STK39: variants seen among roughly 807,000 people sequenced by gnomAD.
The protein encoded by STK39 is STE20/SPS1-related proline-alanine-rich protein kinase.
In STK39, 20 loss-of-function variants were observed where a neutral mutation model predicts 77.8. That is an observed-to-expected ratio of 0.26 (90% CI 0.18 to 0.37). The LOEUF is 0.37. Among genes scored for constraint, STK39 ranks in the 10% least tolerant of loss-of-function variants. STK39 has a pLI of 1.00. For missense variants in STK39, 479 were observed against 656.5 expected (o/e 0.73, Z 2.95); for synonymous variants, 246 against 234.1 (o/e 1.05, Z -0.47).
intron 14 of STK39, among the ~76,000 whole-genome samples, chr2:168,041,351 A>C (rs1685101305): frequency 1.3e-5 from 2 of 151,866 alleles, no homozygotes; most frequent in Non-Finnish European, 1.5e-5. Flanking sequence ...TGGGAAAGGA[A>C]GCCATTGATC....
In STK39 at chr2:168,075,014, G is replaced by A; in HGVS notation, c.1213-3C>T. ...TTTTCTTCTTTTACTCTTCGTGACT[G>A]TAAAACAATTATGTATCCATTAATA... On this transcript the variant is annotated splice_polypyrimidine_tract_variant and splice_region_variant and intron_variant, in intron 11 of 17. Transcript: ENST00000355999. 1.2e-6 allele frequency: 2 copies of A among 1,613,866 alleles called. No individual in the cohort carries two copies. The highest frequency in any genetic ancestry group is 1.7e-6 in the Non-Finnish European group (2 of 1,180,006).
chr2:168,143,768 C>A (rs1040774790), intron 5 of STK39, among the ~76,000 whole-genome samples: 4 of 152,068 alleles, frequency 2.6e-5, no homozygotes, highest in African/African-American at 9.7e-5. Context: ...AAGTCAAAAT[C>A]CTTCAGCATA....
chr2:168,034,617 G>A (rs1177034831), intron 14 of STK39, among the ~76,000 whole-genome samples: 1 of 152,186 alleles, frequency 6.6e-6, no homozygotes, highest in East Asian at 1.9e-4. Flanking sequence ...GGAACTCACT[G>A]GACTAAGGGA....
intron 1 of STK39, among the ~76,000 whole-genome samples, chr2:168,190,858 G>A (rs1048388623): frequency 1.3e-5 from 2 of 152,076 alleles, no homozygotes; most frequent in Non-Finnish European, 2.9e-5. Context: ...TGCTTGGAAG[G>A]GATAATCCAC....
chr2:168,138,772 G>A (rs1687901991), intron 7 of STK39, among the ~76,000 whole-genome samples: 1 of 152,204 alleles, frequency 6.6e-6, no homozygotes, highest in Non-Finnish European at 1.5e-5. Context: ...GCAGGACACT[G>A]AAGGATAGCC....
chr2:167,974,773 A>C (rs10192828), intron 16 of STK39, among the ~76,000 whole-genome samples: 1 of 152,106 alleles, frequency 6.6e-6, no homozygotes, highest in Non-Finnish European at 1.5e-5. Context: ...GAGGTTCACA[A>C]AAGGATGGAA....
intron 1 of STK39, among the ~76,000 whole-genome samples, chr2:168,213,807 C>T (rs928693349): frequency 7.2e-5 from 11 of 151,880 alleles, no homozygotes; most frequent in African/African-American, 2.7e-4. Context: ...CTTGCTTGCT[C>T]ATATTTCTAT....
intron 10 of STK39, among the ~76,000 whole-genome samples, chr2:168,114,417 C>A (rs147318533): frequency 3.3e-4 from 50 of 152,016 alleles, no homozygotes; most frequent in Non-Finnish European, 5.7e-4. Context: ...GAGAAGAAGG[C>A]AAAAAAAGCA....
At chr2:168,045,286 G>A (rs1050672874) in intron 14 of STK39, among the ~76,000 whole-genome samples, 1 of 152,078 alleles carries the variant, frequency 6.6e-6, no homozygotes, top group African/African-American at 2.4e-5. Context: ...GCAGAGCACA[G>A]CTAGAAGCTA....
At chr2:168,048,116 A>G (rs1384172619) in intron 14 of STK39, among the ~76,000 whole-genome samples, 5 of 129,100 alleles carry the variant, frequency 3.9e-5, no homozygotes, top group African/African-American at 1.4e-4. Context: ...TAGTTATTCC[A>G]TGCAGCCAAA....
intron 10 of STK39, among the ~76,000 whole-genome samples, chr2:168,078,009 C>T (rs559499450): frequency 2.0e-5 from 3 of 151,728 alleles, no homozygotes; most frequent in African/African-American, 7.3e-5. Context: ...TATTACATTG[C>T]TCTTGTTCTA....
At chr2:168,239,282 G>A (rs1261597699) in intron 1 of STK39, among the ~76,000 whole-genome samples, 1 of 152,174 alleles carries the variant, frequency 6.6e-6, no homozygotes, top group East Asian at 1.9e-4. Context: ...CAAAAGAAAA[G>A]AAAGCTCTAG....
intron 16 of STK39, among the ~76,000 whole-genome samples, chr2:168,006,152 G>A (rs560839662): frequency 6.6e-6 from 1 of 152,288 alleles, no homozygotes; most frequent in East Asian, 1.9e-4. Flanking sequence ...CAGTCAGTGG[G>A]CACATTTCTG....
intron 16 of STK39, among the ~76,000 whole-genome samples, chr2:167,983,482 AAGGAAGGAAGGAAGG>A (rs1683482514): frequency 1.2e-3 from 4 of 3,204 alleles, no homozygotes; most frequent in African/African-American, 2.2e-3. Flanking sequence ...AAATGAAAGG[AAGGAAGGAAGGAAGG>A]AAGGAAGGAA....
At chr2:168,213,163 G>A (rs1408680089) in intron 1 of STK39, among the ~76,000 whole-genome samples, 3 of 152,172 alleles carry the variant, frequency 2.0e-5, no homozygotes, top group Non-Finnish European at 4.4e-5. Context: ...TGTCTAACAA[G>A]GTAGATAGAT....
chr2:168,080,240 A>T (rs973571081), intron 10 of STK39, among the ~76,000 whole-genome samples: 8 of 152,226 alleles, frequency 5.3e-5, no homozygotes, highest in Admixed American at 3.3e-4. Context: ...GCAGCAAAGC[A>T]TTCAAGAGGT....
At chr2:168,211,803 G>A (rs1364403846) in intron 1 of STK39, among the ~76,000 whole-genome samples, 2 of 152,118 alleles carry the variant, frequency 1.3e-5, no homozygotes, top group Non-Finnish European at 2.9e-5. Context: ...TGCACAGGGC[G>A]TTCATGTATA....
At chr2:168,238,239 A>T (rs1690670068) in intron 1 of STK39, among the ~76,000 whole-genome samples, 1 of 152,244 alleles carries the variant, frequency 6.6e-6, no homozygotes, top group Admixed American at 6.5e-5. Flanking sequence ...TACTCCCTGA[A>T]TGAAGATCTA....
At chr2:168,084,282 T>C (rs1686313190) in intron 10 of STK39, among the ~76,000 whole-genome samples, 3 of 152,208 alleles carry the variant, frequency 2.0e-5, no homozygotes, top group African/African-American at 7.2e-5. Flanking sequence ...AATCAGCATG[T>C]TAATCACTCC....
Sources: allele counts gnomAD v4.1 joint callset (sites outside exome capture counted in the v4.1 genomes callset), GRCh38; gene constraint gnomAD v4.1.1; transcripts MANE v1.5; gene names NCBI Gene and HGNC (gene_info 2026-07-23, HGNC 2026-07-21).